The following TERT variants were observed in gnomAD, a reference collection of about 807,000 sequenced individuals.
TERT encodes the protein telomerase reverse transcriptase.
A neutral mutation model predicts 104.0 loss-of-function variants in TERT; 42 were observed. That is an observed-to-expected ratio of 0.40 (90% confidence interval 0.32 to 0.52). The LOEUF (loss-of-function observed/expected upper bound fraction) is 0.52, where lower values mean the gene tolerates loss of function less well. Among genes scored for constraint, TERT ranks in the 20% least tolerant of loss-of-function variants. The probability of loss-of-function intolerance (pLI) is 0.43; values close to 1 mark genes in which losing one functional copy is unlikely to be tolerated. For synonymous variants in TERT, 781 were observed against 725.6 expected (o/e 1.08, Z -1.23); for missense variants, 1,101 against 1,610.3 (o/e 0.68, Z 5.41).
In TERT at chr5:1,253,622, G is replaced by T. The variant is rs1277935453; in HGVS notation, c.*106C>A. 1 of 935,480 alleles carries T rather than the reference G, an allele frequency of 1.1e-6. No individual in the cohort carries two copies. Among genetic ancestry groups the T allele is most frequent in the Non-Finnish European group, 1.7e-6 (1 of 597,540 alleles). 57.9% of individuals were successfully genotyped at this position (935,480 alleles called of 1,614,324 possible). ...CACTCACTCAGGCCTCAGACTCCCA[G>T]CGGTGCGGGCCTGGGTGTGGGCCGC... On this transcript the variant is annotated 3_prime_UTR_variant, in exon 16 of 16. Coordinates refer to ENST00000310581, the MANE Select transcript of TERT (RefSeq NM_198253.3).
chr5:1,294,061 A>C lies in TERT; in HGVS notation c.825T>G (p.Pro275=), dbSNP rs1469166190. The stretch of plus-strand genomic sequence containing the variant: ...AGGTGGCTTCTTCGGCGGGTCTGGC[A>C]GGTGACACCACACAGAAACCACGGT... ...PSDRGFCVVS[P]ARPAEEATSL... is the part of the protein sequence containing the mutation. The change falls in exon 2 of 16, where the codon CCT becomes CCG. Residue 275 remains proline (P), a synonymous_variant. Transcript: ENST00000310581. The C allele has an allele frequency of 4.4e-6, 7 of 1,589,266 alleles. No individual in the cohort carries two copies. In the Admixed American group the frequency reaches 1.2e-4, roughly 28 times the overall value.
intron 15 of TERT, 133 bp from the exon 16 acceptor site, chr5:1,253,964 G>A: frequency 2.0e-6 from 2 of 982,790 alleles, no homozygotes; most frequent in South Asian, 1.4e-5. Flanking sequence ...CCTCAGTGAA[G>A]GGACAGACAC....
intron 2 of TERT, among the ~76,000 whole-genome samples, chr5:1,285,565 A>ATTTTTTTTTTTTT (rs1170336173): frequency 2.4e-4 from 20 of 82,198 alleles, no homozygotes; most frequent in Non-Finnish European, 3.3e-4. Context: ...GGCTACTAGA[A>ATTTTTTTTTTTTT]TTTTTTTTTT....
chr5:1,266,676 T>C (rs1321901362), intron 9 of TERT, 141 bp from the exon 10 acceptor site: 7 of 771,120 alleles, frequency 9.1e-6, no homozygotes, highest in African/African-American at 8.6e-5. Flanking sequence ...AAAACTTAAA[T>C]TTCTTTCCAA....
chr5:1,293,129 A>G (rs1217794639), intron 2 of TERT, among the ~76,000 whole-genome samples, 184 bp downstream of exon 2: 2 of 152,218 alleles, frequency 1.3e-5, no homozygotes, highest in African/African-American at 4.8e-5. Context: ...AAGTTTATGC[A>G]AACTGGACAG....
intron 3 of TERT, among the ~76,000 whole-genome samples, chr5:1,281,411 C>T (rs1034601873): frequency 6.6e-6 from 1 of 152,208 alleles, no homozygotes; most frequent in Non-Finnish European, 1.5e-5. Context: ...CCCAGGGACT[C>T]GAGTGTGCAG....
intron 2 of TERT, among the ~76,000 whole-genome samples, chr5:1,283,175 A>C (rs1339459280): frequency 1.2e-5 from 1 of 85,140 alleles, no homozygotes; most frequent in Non-Finnish European, 2.3e-5. Flanking sequence ...ACCTCACCCC[A>C]GACCTGCACC....
rs985656019 is a variant in TERT at position 1,255,525 on chromosome 5, T to C, written c.3033-114A>G. On this transcript the variant is annotated intron_variant, in intron 13 of 15. Coordinates refer to ENST00000310581, the MANE Select transcript of TERT (RefSeq NM_198253.3). The surrounding 1 kb of genome is among the most constrained non-coding windows in gnomAD (Gnocchi z 6.9). ...GCGTGCATGAATGCACATGCATGGG[T>C]TTCCTCATGGGCACAGGTGCACACA... is the stretch of plus-strand genomic sequence containing the variant. The C allele has an allele frequency of 7.3e-7, 1 of 1,367,342 alleles. No individual in the cohort carries two copies. The highest frequency in any genetic ancestry group is 1.2e-5 in the South Asian group (1 of 83,782). 84.7% of individuals were successfully genotyped at this position (1,367,342 alleles called of 1,614,324 possible).
At chr5:1,281,424 G>A (rs1200119782) in intron 3 of TERT, among the ~76,000 whole-genome samples, 1 of 152,196 alleles carries the variant, frequency 6.6e-6, no homozygotes, top group Non-Finnish European at 1.5e-5. Flanking sequence ...GTGTGCAGGG[G>A]AGCTGGGGAA....
In TERT at chr5:1,274,202, C is replaced by T. The variant is rs1749370867; in HGVS notation, c.2287-1922G>A. Among the ~76,000 whole-genome samples, 1 of 152,244 alleles carries T rather than the reference C, an allele frequency of 6.6e-6. No homozygotes were observed. The highest frequency in any genetic ancestry group is 2.4e-5 in the African/African-American group (1 of 41,470). On this transcript the variant is annotated intron_variant, in intron 6 of 15. Transcript: ENST00000310581. The surrounding 1 kb of genome is among the most constrained non-coding windows in gnomAD (Gnocchi z 5.3). ...GCGGCAGGGCCGTGGGCTAAAACCA[C>T]ATCGAGTACGATTCAACCCTGAGAA...
In TERT at chr5:1,253,631, G is replaced by T; in HGVS notation, c.*97C>A. ...AGGCCTCAGACTCCCAGCGGTGCGG[G>T]CCTGGGTGTGGGCCGCCCCTCCCTC... On this transcript the variant is annotated 3_prime_UTR_variant, in exon 16 of 16. Transcript: ENST00000310581. The T allele has an allele frequency of 9.6e-7, 1 of 1,041,576 alleles. No individual in the cohort carries two copies. The highest frequency in any genetic ancestry group is 1.5e-6 in the Non-Finnish European group (1 of 689,328). The allele number at this position is 1,041,576 out of a possible 1,614,324, so 64.5% of individuals were successfully genotyped here.
intron 7 of TERT, 96 bp from the exon 8 acceptor site, chr5:1,271,300 G>T: frequency 1.1e-6 from 1 of 888,908 alleles, no homozygotes; most frequent in Non-Finnish European, 1.9e-6. Context: ...TTTGGGGTCA[G>T]TGTTTGTGAT....
Position 1,264,579 on chromosome 5 carries a change from C to T in TERT, c.2668G>A (p.Gly890Ser), listed in dbSNP as rs1748463362. Residue 890 changes from glycine (G) to serine (S), a missense_variant, in exon 11 of 16, where the codon GGT (glycine) becomes AGT (serine). Coordinates refer to ENST00000310581, the MANE Select transcript of TERT (RefSeq NM_198253.3). ...ACCACGCAGCCATACTCAGGGACAC[C>T]TCGGACCAGGGTCCTAAGGCAGAGG... ...AKTFLRTLVR[G>S]VPEYGCVVNL... is the part of the protein sequence containing the mutation. 1.2e-6 allele frequency: 2 copies of T among 1,613,910 alleles called. No homozygotes were observed. Among genetic ancestry groups the T allele is most frequent in the Non-Finnish European group, 1.7e-6 (2 of 1,180,062 alleles).
Position 1,294,840 on chromosome 5 carries a change from C to T in TERT, c.150G>A (p.Leu50=), listed in dbSNP as rs886044153. ...GCACGCACACCAGGCACTGGGCCAC[C>T]AGCGCGCGGAAAGCCGCCGGGTCCC... The part of the protein sequence containing the change: ...QRGDPAAFRA[L]VAQCLVCVPW... The change falls in exon 1 of 16, where the codon CTG becomes CTA. Residue 50 remains leucine (L), a synonymous_variant. Transcript: ENST00000310581. 17 of 1,463,368 alleles carry T rather than the reference C, an allele frequency of 1.2e-5. No homozygotes were observed. The highest frequency in any genetic ancestry group is 1.5e-5 in the Non-Finnish European group (17 of 1,116,532). The allele number at this position is 1,463,368 out of a possible 1,614,324, so 90.6% of individuals were successfully genotyped here.
chr5:1,292,812 C>G lies in TERT; in HGVS notation c.1573+501G>C, dbSNP rs954906022. ...ACCGGCGTGAGCCACCGCACCTGGCCGTCAACACACAATTAAATCTTAAAC... is the reference window on the plus strand; with the variant it reads ...ACCGGCGTGAGCCACCGCACCTGGCGGTCAACACACAATTAAATCTTAAAC... On this transcript the variant is annotated intron_variant, in intron 2 of 15. Coordinates refer to ENST00000310581, the MANE Select transcript of TERT (RefSeq NM_198253.3). The surrounding 1 kb of genome is among the most constrained non-coding windows in gnomAD (Gnocchi z 5.5). Among the ~76,000 whole-genome samples the G allele has an allele frequency of 3.9e-5, 6 of 152,186 alleles. No homozygotes were observed. The highest frequency in any genetic ancestry group is 7.4e-5 in the Non-Finnish European group (5 of 68,026).
At chr5:1,291,937 G>A (rs529850247) in intron 2 of TERT, among the ~76,000 whole-genome samples, 9 of 152,318 alleles carry the variant, frequency 5.9e-5, no homozygotes, top group South Asian at 2.1e-4. Context: ...CTGACTCGGC[G>A]TGGTCCACCT....
At chr5:1,282,840 A>G (rs1750131078) in intron 2 of TERT, 4 of 617,028 alleles carry the variant, frequency 6.5e-6, no homozygotes, top group Non-Finnish European at 1.2e-5. Context: ...CCGCATATCC[A>G]GCTCACCGAG....
chr5:1,272,592 C>T (rs1242251382), intron 6 of TERT, among the ~76,000 whole-genome samples: 3 of 40,694 alleles, frequency 7.4e-5, no homozygotes, highest in South Asian at 1.7e-3. Context: ...ACCCTACGAC[C>T]GCCATCCACA....
In TERT at chr5:1,279,342, G is replaced by A. The variant is rs371759577; in HGVS notation, c.2079C>T (p.Phe693=). 1.9e-5 allele frequency: 30 copies of A among 1,584,410 alleles called. No homozygotes were observed. The African/African-American group carries it at 3.1e-4, about 16-fold the overall frequency. ...GGTCCTGGGCCCGCACACGCAGCAC[G>A]AAGGTGCGCCAGGCCCTGTGGATAT... The part of the protein sequence containing the change: ...LDDIHRAWRT[F]VLRVRAQDPP... The change falls in exon 5 of 16, where the codon TTC becomes TTT. Residue 693 remains phenylalanine, a synonymous_variant. Transcript: ENST00000310581.
Sources: gnomAD v4.1 joint callset for allele counts (sites outside exome capture counted in the v4.1 genomes callset) on GRCh38, gnomAD v4.1.1 for gene constraint, Gnocchi (gnomAD v3.1) non-coding constraint, MANE v1.5 for transcripts, NCBI Gene and HGNC (gene_info 2026-07-23, HGNC 2026-07-21) for gene names.